Variants in TBC1D16 observed in about 807,000 individuals in gnomAD.
TBC1D16 encodes TBC1 domain family member 16.
In TBC1D16, 58 loss-of-function variants were observed where a neutral mutation model predicts 74.7. The observed-to-expected ratio is 0.78, with a 90% CI of 0.63 to 0.97. TBC1D16 has a LOEUF of 0.97. TBC1D16 is among the 50% of genes least tolerant of loss of function. The probability of loss-of-function intolerance (pLI) is 0.00; values close to 1 mark genes in which losing one functional copy is unlikely to be tolerated. For synonymous variants in TBC1D16, 493 were observed against 474.7 expected, an observed-to-expected ratio of 1.04 and a Z score of -0.50; for missense variants, 1,014 against 1,079.5, an observed-to-expected ratio of 0.94 and a Z score of 0.85.
At position 79,939,760 on chromosome 17, in the gene TBC1D16, C is replaced by G. The variant is rs2031835056; in HGVS notation, c.*1099G>C. On this transcript the variant is annotated 3_prime_UTR_variant, in exon 12 of 12. Transcript: ENST00000310924. ...CATTCCCACATAGAAGGCAGAGAGC[C>G]CTGAGTGCTGGCTCCTTCACTGTGG... The G allele has an allele frequency of 6.6e-6, 1 of 152,266 alleles. No individual in the cohort carries two copies. Among genetic ancestry groups the G allele is most frequent in the South Asian group, 2.1e-4 (1 of 4,818 alleles). 9.4% of individuals were successfully genotyped at this position (152,266 alleles called of 1,614,324 possible). A position where few individuals can be genotyped will look rare whatever the true frequency, so the allele number is the denominator to read the frequency against.
chr17:79,943,734 A>C, intron 10 of TBC1D16: 2 of 913,678 alleles, frequency 2.2e-6, no homozygotes, highest in Non-Finnish European at 2.7e-6. Context: ...AATTCTGACT[A>C]GATCTCATTA....
chr17:79,988,938 A>G lies in TBC1D16; in HGVS notation c.779+21222T>C, dbSNP rs567232791. Reference sequence around the variant, plus strand: ...CGCCGGCCCCAGGCCCTCCCTCAGGACCCAGCACCTTCAGTCCTCCTGCCG... The same window carrying G: ...CGCCGGCCCCAGGCCCTCCCTCAGGGCCCAGCACCTTCAGTCCTCCTGCCG... On this transcript the variant is annotated intron_variant, in intron 3 of 11. Transcript: ENST00000310924. This position sits in a 1 kb window ranked among gnomAD's most constrained non-coding sequence, Gnocchi z 5.7. Among the ~76,000 whole-genome samples the G allele has an allele frequency of 2.8e-3, 434 of 152,286 alleles. 2 individuals carry two copies. Among genetic ancestry groups the G allele is most frequent in the African/African-American group, 0.01 (425 of 41,558 alleles).
chr17:79,984,611 GGGAGGGAGT>G (rs997554987), intron 3 of TBC1D16, among the ~76,000 whole-genome samples: 2 of 77,406 alleles, frequency 2.6e-5, no homozygotes, highest in Non-Finnish European at 5.4e-5. Context: ...AAAAGAGGGA[GGGAGGGAGT>G]GAAGGAAGGA....
rs2035138203 is a variant in TBC1D16, at chr17:79,993,106, G to GGCCT, written c.779+17053_779+17054insAGGC. 1.3e-5 allele frequency among the ~76,000 whole-genome samples: 2 copies of GGCCT among 152,214 alleles called. No homozygotes were observed. The highest frequency in any genetic ancestry group is 4.8e-5 in the African/African-American group (2 of 41,452). The stretch of plus-strand genomic sequence containing the variant: ...TATGGGGTGGGGAGCACTAGCGCCA[G>GGCCT]CCCCATTGTGCAGAGGGGAAACTGA... On this transcript the variant is annotated intron_variant, in intron 3 of 11. Coordinates refer to ENST00000310924, the MANE Select transcript of TBC1D16 (RefSeq NM_019020.4). The surrounding 1 kb of genome is among the most constrained non-coding windows in gnomAD (Gnocchi z 5.1).
In TBC1D16 at chr17:79,990,043, G is replaced by A. The variant is rs575060661; in HGVS notation, c.779+20117C>T. ...CAACAGGGAGAGTCTATTTTTCTAAGCTCACTAGGTAAAGTGTTACTTCCT... is the reference window on the plus strand; with the variant it reads ...CAACAGGGAGAGTCTATTTTTCTAAACTCACTAGGTAAAGTGTTACTTCCT... On this transcript the variant is annotated intron_variant, in intron 3 of 11. Transcript: ENST00000310924. This position sits in a 1 kb window ranked among gnomAD's most constrained non-coding sequence, Gnocchi z 4.8. Among the ~76,000 whole-genome samples the A allele has an allele frequency of 1.2e-3, 187 of 152,322 alleles. No homozygotes were observed. The highest frequency in any genetic ancestry group is 4.3e-3 in the African/African-American group (179 of 41,558).
chr17:79,984,474 G>A (rs1598388209), intron 3 of TBC1D16, among the ~76,000 whole-genome samples: 1 of 151,992 alleles, frequency 6.6e-6, no homozygotes, highest in East Asian at 1.9e-4. Context: ...TGGGTATGGT[G>A]GGGCTTCACA....
rs1299681224 is a variant in TBC1D16, at chr17:80,007,802, T to TC, written c.779+2357_779+2358insG. On this transcript the variant is annotated intron_variant, in intron 3 of 11. Coordinates refer to ENST00000310924, the MANE Select transcript of TBC1D16 (RefSeq NM_019020.4). This position sits in a 1 kb window ranked among gnomAD's most constrained non-coding sequence, Gnocchi z 4.5. ...GCAGAGAGGACGACGAACTTGGAGG[T>TC]GTGCACAGTGGGGGGTGGGGAGGCA... is the stretch of plus-strand genomic sequence containing the variant. 1.3e-5 allele frequency among the ~76,000 whole-genome samples: 2 copies of TC among 150,880 alleles called. No homozygotes were observed. The highest frequency in any genetic ancestry group is 3.0e-5 in the Non-Finnish European group (2 of 67,682).
chr17:79,989,989 T>C (rs1568616102), intron 3 of TBC1D16, among the ~76,000 whole-genome samples: 1 of 152,252 alleles, frequency 6.6e-6, no homozygotes, highest in East Asian at 1.9e-4. Flanking sequence ...CCCAGAAACC[T>C]GCGCTCAGAT....
In TBC1D16 at chr17:79,956,245, GTTTT is replaced by G. The variant is rs917928427; in HGVS notation, c.780-3431_780-3428del. Among the ~76,000 whole-genome samples the G allele has an allele frequency of 2.0e-5, 3 of 152,144 alleles. No homozygotes were observed. Among genetic ancestry groups the G allele is most frequent in the African/African-American group, 7.2e-5 (3 of 41,428 alleles). ...CCAAAGGTCTGTGAGCAAAGAAGCG[GTTTT>G]TTGTTTGTTTGTTTGTTTTTTAAAG... On this transcript the variant is annotated intron_variant, in intron 3 of 11. Transcript: ENST00000310924. This position sits in a 1 kb window ranked among gnomAD's most constrained non-coding sequence, Gnocchi z 4.0.
Position 79,980,578 on chromosome 17 carries a change from G to A in TBC1D16, c.780-27760C>T, listed in dbSNP as rs1351108188. ...TCCCTAACCAGGACACTGTGGTGCA[G>A]ACAGTGTAGGGACTGGCGAAGAGAC... On this transcript the variant is annotated intron_variant, in intron 3 of 11. Coordinates refer to ENST00000310924, the MANE Select transcript of TBC1D16 (RefSeq NM_019020.4). This position sits in a 1 kb window ranked among gnomAD's most constrained non-coding sequence, Gnocchi z 7.0. Among the ~76,000 whole-genome samples, 1 of 152,214 alleles carries A rather than the reference G, an allele frequency of 6.6e-6. No individual in the cohort carries two copies. The highest frequency in any genetic ancestry group is 1.5e-5 in the Non-Finnish European group (1 of 68,042).
Position 79,944,926 on chromosome 17 carries a change from G to C in TBC1D16, c.1890C>G (p.Ala630=), listed in dbSNP as rs780788139. The C allele has an allele frequency of 2.8e-5, 43 of 1,551,464 alleles. No individual in the cohort carries two copies. The African/African-American group carries it at 5.5e-4, about 20-fold the overall frequency. ...TGGTCACCTGGTAGTGGGCCCAGCA[G>C]GCCTCCCAGATCCGCAGCGCTTCGG... ...PEAEALRIWE[A]CWAHYQTDYF... The change falls in exon 10 of 12, where the codon GCC becomes GCG. Residue 630 remains alanine, a synonymous_variant. Coordinates refer to ENST00000310924, the MANE Select transcript of TBC1D16 (RefSeq NM_019020.4). The surrounding 1 kb of genome is among the most constrained non-coding windows in gnomAD (Gnocchi z 7.7).
At position 79,993,647 on chromosome 17, in the gene TBC1D16, C is replaced by T. The variant is rs76495870; in HGVS notation, c.779+16513G>A. 1.3e-5 allele frequency: 2 copies of T among 152,266 alleles called. No individual in the cohort carries two copies. Among genetic ancestry groups the T allele is most frequent in the East Asian group, 3.8e-4 (2 of 5,202 alleles). The allele number at this position is 152,266 out of a possible 1,614,324, so 9.4% of individuals were successfully genotyped here. A position where few individuals can be genotyped will look rare whatever the true frequency, so the allele number is the denominator to read the frequency against. On this transcript the variant is annotated intron_variant, in intron 3 of 11. Transcript: ENST00000310924. This position sits in a 1 kb window ranked among gnomAD's most constrained non-coding sequence, Gnocchi z 5.1. Reference sequence around the variant, plus strand: ...AGGTGCTGGGTTACATTGCAACAGCCAGGCGTGGTTCCCCAGAGGTACGGT... The same window carrying T: ...AGGTGCTGGGTTACATTGCAACAGCTAGGCGTGGTTCCCCAGAGGTACGGT...
intron 3 of TBC1D16, among the ~76,000 whole-genome samples, chr17:79,997,150 A>G (rs1456235353): frequency 1.3e-5 from 2 of 152,124 alleles, no homozygotes; most frequent in Non-Finnish European, 2.9e-5. Context: ...GCGTCTAGCT[A>G]GTGGTAGTAG....
rs770652959 is a variant in TBC1D16, at chr17:79,947,633, CCT to C, written c.1728+10_1728+11del. The C allele has an allele frequency of 3.7e-6, 6 of 1,613,844 alleles. No individual in the cohort carries two copies. The highest frequency in any genetic ancestry group is 2.2e-5 in the South Asian group (2 of 91,028). The stretch of plus-strand genomic sequence containing the variant: ...ACATGCCCTTGGACGCACCCATCCC[CCT>C]GAGCCTCACCAGTTGTTTCTCCATG... On this transcript the variant is annotated intron_variant, in intron 9 of 11. Transcript: ENST00000310924.
intron 1 of TBC1D16, chr17:80,025,693 C>T (rs1403681924): frequency 6.8e-6 from 1 of 147,132 alleles, no homozygotes; most frequent in Non-Finnish European, 1.5e-5. Flanking sequence ...GCCTAATGGC[C>T]AGGAGCTTGC....
chr17:80,029,166 A>C (rs1325979493), intron 1 of TBC1D16, among the ~76,000 whole-genome samples: 1 of 152,178 alleles, frequency 6.6e-6, no homozygotes, highest in Non-Finnish European at 1.5e-5. Flanking sequence ...TGCAGCTGGC[A>C]GGGGTGTTAA....
chr17:80,010,835 G>T lies in TBC1D16; in HGVS notation c.182-78C>A. ...GCCCTTGTGGTACCTTTGGCGAGCT[G>T]CTCGGAGAGGCCACTGCCCTTTAGT... On this transcript the variant is annotated intron_variant, in intron 2 of 11. Transcript: ENST00000310924. The surrounding 1 kb of genome is among the most constrained non-coding windows in gnomAD (Gnocchi z 8.8). 1 of 1,095,754 alleles carries T rather than the reference G, an allele frequency of 9.1e-7. No individual in the cohort carries two copies. The highest frequency in any genetic ancestry group is 1.2e-6 in the Non-Finnish European group (1 of 800,578). The allele number at this position is 1,095,754 out of a possible 1,614,324, so 67.9% of individuals were successfully genotyped here.
chr17:79,941,221 G>A lies in TBC1D16; in HGVS notation c.2056-114C>T, dbSNP rs2031949981. On this transcript the variant is annotated intron_variant, in intron 11 of 11. Coordinates refer to ENST00000310924, the MANE Select transcript of TBC1D16 (RefSeq NM_019020.4). The surrounding 1 kb of genome is among the most constrained non-coding windows in gnomAD (Gnocchi z 4.3). ...CAGCAACAACGGCCTGCACCTCGGG[G>A]GCTCACCGAGTCCTGGACTGAGGGC... 2 of 1,045,156 alleles carry A rather than the reference G, an allele frequency of 1.9e-6. No individual in the cohort carries two copies. Among genetic ancestry groups the A allele is most frequent in the Non-Finnish European group, 2.7e-6 (2 of 730,188 alleles). 64.7% of individuals were successfully genotyped at this position (1,045,156 alleles called of 1,614,324 possible).
At chr17:80,031,942 G>A (rs1794369271) in intron 1 of TBC1D16, among the ~76,000 whole-genome samples, 1 of 152,172 alleles carries the variant, frequency 6.6e-6, no homozygotes, top group Non-Finnish European at 1.5e-5. Context: ...AAACTGGGGG[G>A]ACATATTAAC....
Sources: allele counts gnomAD v4.1 joint callset (sites outside exome capture counted in the v4.1 genomes callset), GRCh38; gene constraint gnomAD v4.1.1; non-coding constraint Gnocchi (gnomAD v3.1); transcripts MANE v1.5; gene names NCBI Gene and HGNC (gene_info 2026-07-23, HGNC 2026-07-21).